The following TTC27 variants were observed in gnomAD, a reference collection of about 807,000 sequenced individuals.
TTC27 encodes the protein tetratricopeptide repeat domain 27.
Under a neutral mutation model 115.9 loss-of-function variants are expected in TTC27, and 79 were observed. The ratio of observed to expected loss-of-function variants is 0.68; its 90% CI spans 0.57 to 0.82. The LOEUF is 0.82. TTC27 is among the 40% of genes least tolerant of loss of function. The pLI is 0.00. For synonymous variants in TTC27, 401 were observed against 356.0 expected, an observed-to-expected ratio of 1.13 and a Z score of -1.42; for missense variants, 1,054 against 993.1, an observed-to-expected ratio of 1.06 and a Z score of -0.82.
chr2:32,664,198 CAG>C (rs1665673268), intron 5 of TTC27, 103 bp from the exon 6 acceptor site: 1 of 976,554 alleles, frequency 1.0e-6, no homozygotes, highest in East Asian at 2.8e-5. Context: ...TATTTAACAA[CAG>C]AGACTATGTA....
Position 32,731,411 on chromosome 2 carries a change from G to A in TTC27, c.1234-2417G>A, listed in dbSNP as rs117393948. 2.1e-3 allele frequency among the ~76,000 whole-genome samples: 323 copies of A among 152,220 alleles called. 8 individuals carry two copies. The East Asian group carries it at 0.053, about 25-fold the overall frequency. On this transcript the variant is annotated intron_variant, in intron 10 of 19. Transcript: ENST00000317907. ...TTCCTTCTGAGACAGGGCTTGCTCT[G>A]TCACCCAGGCAGGAGTGCAGTGGCA...
intron 7 of TTC27, among the ~76,000 whole-genome samples, chr2:32,668,685 G>C (rs1665892965): frequency 1.3e-5 from 2 of 151,492 alleles, no homozygotes; most frequent in African/African-American, 4.9e-5. Context: ...ACCTCCCAAA[G>C]TGCTGGGATT....
At chr2:32,731,004 G>A (rs1339456615) in intron 10 of TTC27, among the ~76,000 whole-genome samples, 1 of 152,190 alleles carries the variant, frequency 6.6e-6, no homozygotes, top group Admixed American at 6.5e-5. Flanking sequence ...TCATGCATAA[G>A]GCAGGAAGAA....
rs377115103 is a variant in TTC27, at chr2:32,724,133, C to T, written c.1234-9695C>T. On this transcript the variant is annotated intron_variant, in intron 10 of 19. Coordinates refer to ENST00000317907, the MANE Select transcript of TTC27 (RefSeq NM_017735.5). The stretch of plus-strand genomic sequence containing the variant: ...ATTAAGACACTAATGTCTTAAGACA[C>T]TAAGCAGGGTCCCCTGGAGAAGTTT... 3.0e-4 allele frequency among the ~76,000 whole-genome samples: 45 copies of T among 152,112 alleles called. No homozygotes were observed. In the South Asian group the frequency reaches 5.6e-3, roughly 19 times the overall value.
chr2:32,694,121 A>G (rs1218260594), intron 9 of TTC27, among the ~76,000 whole-genome samples: 3 of 152,212 alleles, frequency 2.0e-5, no homozygotes, highest in African/African-American at 7.2e-5. Context: ...GTTATTTAGG[A>G]CCAGTTTTAG....
intron 5 of TTC27, among the ~76,000 whole-genome samples, chr2:32,659,251 C>T (rs969717363): frequency 1.3e-5 from 2 of 152,126 alleles, no homozygotes; most frequent in African/African-American, 4.8e-5. Context: ...TAGCGTGAGC[C>T]ACGATGCCCA....
At chr2:32,683,407 A>T (rs1006733156) in intron 9 of TTC27, among the ~76,000 whole-genome samples, 1 of 152,212 alleles carries the variant, frequency 6.6e-6, no homozygotes, top group Non-Finnish European at 1.5e-5. Context: ...CTTGGTCCTG[A>T]ATTTTGTTCC....
At chr2:32,730,846 T>C (rs2151914137) in intron 10 of TTC27, among the ~76,000 whole-genome samples, 1 of 152,160 alleles carries the variant, frequency 6.6e-6, no homozygotes, top group Middle Eastern at 3.4e-3. Flanking sequence ...GTTCTAGAGC[T>C]CCTCACCTTA....
At chr2:32,711,872 GGA>G (rs1259062216) in intron 10 of TTC27, among the ~76,000 whole-genome samples, 1 of 152,038 alleles carries the variant, frequency 6.6e-6, no homozygotes, top group African/African-American at 2.4e-5. Context: ...CCCATGATGT[GGA>G]GTTTGCAGTG....
chr2:32,663,130 G>A (rs1665615421), intron 5 of TTC27, among the ~76,000 whole-genome samples: 1 of 152,156 alleles, frequency 6.6e-6, no homozygotes, highest in African/African-American at 2.4e-5. Context: ...GGTGGGATCA[G>A]CTGAGCTAGA....
chr2:32,750,637 T>C (rs1388341624), intron 12 of TTC27, among the ~76,000 whole-genome samples: 1 of 152,244 alleles, frequency 6.6e-6, no homozygotes, highest in East Asian at 1.9e-4. Flanking sequence ...TAGATTGTGT[T>C]TCATAAAGAA....
intron 10 of TTC27, among the ~76,000 whole-genome samples, chr2:32,708,187 C>T (rs1025958677): frequency 6.6e-6 from 1 of 151,916 alleles, no homozygotes; most frequent in Non-Finnish European, 1.5e-5. Context: ...TCCTCCTCAG[C>T]CTACTCGATG....
chr2:32,723,728 C>CTCCGTCCTTCCTTCCTTCCTTCCTTCCT (rs1454826952), intron 10 of TTC27, among the ~76,000 whole-genome samples: 495 of 29,532 alleles, frequency 0.017, 21 homozygotes, highest in Middle Eastern at 0.087. Flanking sequence ...CCCTCCCTCC[C>CTCCGTCCTTCCTTCCTTCCTTCCTTCCT]TCCTTCCTTC....
intron 4 of TTC27, among the ~76,000 whole-genome samples, chr2:32,642,594 C>G (rs896896267): frequency 3.3e-5 from 5 of 151,976 alleles, no homozygotes; most frequent in Non-Finnish European, 5.9e-5. Flanking sequence ...GAAGTGGTGC[C>G]TCTATTTGCA....
intron 8 of TTC27, among the ~76,000 whole-genome samples, chr2:32,677,311 T>C (rs1178638002): frequency 6.6e-6 from 1 of 152,138 alleles, no homozygotes; most frequent in African/African-American, 2.4e-5. Flanking sequence ...AGATTTTTCC[T>C]ATTATACACA....
intron 19 of TTC27, among the ~76,000 whole-genome samples, chr2:32,820,495 G>T (rs3769557): frequency 6.6e-6 from 1 of 152,040 alleles, no homozygotes; most frequent in Non-Finnish European, 1.5e-5. Flanking sequence ...AATAAATAAA[G>T]TCATTTTGTT....
chr2:32,763,977 A>T (rs1045305647), intron 13 of TTC27, among the ~76,000 whole-genome samples: 1 of 152,182 alleles, frequency 6.6e-6, no homozygotes, highest in Non-Finnish European at 1.5e-5. Flanking sequence ...GGTAGTTATT[A>T]TTCCTGTTAA....
chr2:32,780,827 C>T (rs778441842), intron 14 of TTC27, among the ~76,000 whole-genome samples: 9 of 147,038 alleles, frequency 6.1e-5, no homozygotes, highest in Non-Finnish European at 1.2e-4. Flanking sequence ...CCTTGCTGAG[C>T]TCATTTATTA....
chr2:32,651,752 T>C (rs1295113061), intron 5 of TTC27, among the ~76,000 whole-genome samples: 1 of 152,200 alleles, frequency 6.6e-6, no homozygotes, highest in Non-Finnish European at 1.5e-5. Flanking sequence ...TGAAACTAAT[T>C]TCTCAGTTTT....
Sources: allele counts gnomAD v4.1 joint callset (sites outside exome capture counted in the v4.1 genomes callset), GRCh38; gene constraint gnomAD v4.1.1; transcripts MANE v1.5; gene names NCBI Gene and HGNC (gene_info 2026-07-23, HGNC 2026-07-21).